Variants in RYR1 observed in about 807,000 individuals in gnomAD.
RYR1 encodes ryanodine receptor 1.
RYR1 carries 342 observed loss-of-function variants against 583.5 expected under a neutral mutation model. That is an observed-to-expected ratio of 0.59 (90% CI 0.54 to 0.64). The LOEUF (loss-of-function observed/expected upper bound fraction) is 0.64, where lower values mean the gene tolerates loss of function less well. Ranked by LOEUF, RYR1 falls within the 30% of genes least tolerant of loss-of-function variation. The pLI is 0.00. For missense variants in RYR1, 6,032 were observed against 6,917.2 expected (o/e 0.87, Z 4.54); for synonymous variants, 2,791 against 2,822.5 (o/e 0.99, Z 0.35).
At chr19:38,482,921 A>G (rs1387301471) in intron 31 of RYR1, 106 bp from the exon 32 acceptor site, 2 of 984,042 alleles carry the variant, frequency 2.0e-6, no homozygotes, top group African/African-American at 1.6e-5. Flanking sequence ...TGGAGCCTCT[A>G]ACGCCCAGAT....
intron 27 of RYR1, among the ~76,000 whole-genome samples, chr19:38,472,336 G>A (rs1968466175): frequency 6.6e-6 from 1 of 152,002 alleles, no homozygotes; most frequent in Non-Finnish European, 1.5e-5. Context: ...CCTGACCTCA[G>A]GTGATCAGCC....
chr19:38,504,199 C>A (rs1325249922), intron 49 of RYR1, 21 bp from the exon 50 acceptor site: 1 of 1,602,552 alleles, frequency 6.2e-7, no homozygotes. Context: ...ATTTGTGTGT[C>A]CCCCTCTTGT....
chr19:38,567,951 C>T lies in RYR1; in HGVS notation c.13659+34C>T, dbSNP rs1973523153. The T allele has an allele frequency of 4.3e-6, 7 of 1,610,602 alleles. No individual in the cohort carries two copies. The Admixed American group carries it at 8.4e-5, about 19-fold the overall frequency. On this transcript the variant is annotated intron_variant, in intron 93 of 105. Coordinates refer to ENST00000359596, the MANE Select transcript of RYR1 (RefSeq NM_000540.3). The stretch of plus-strand genomic sequence containing the variant: ...CCAGCCAGGTCACCTGAACCTTCTT[C>T]TCCCCGGGAGCCCCACCTCTGGTGC...
Position 38,565,033 on chromosome 19 carries a change from C to A in RYR1, c.12699C>A (p.Phe4233Leu). ...EGGEAEKMEL[F>L]VSFCEDTIFE... ...GCGAGGCTGAGAAGATGGAGCTCTTCGTGAGTTTCTGCGAGGACACCATCT... is the reference window on the plus strand; with the variant it reads ...GCGAGGCTGAGAAGATGGAGCTCTTAGTGAGTTTCTGCGAGGACACCATCT... The change falls in exon 91 of 106, where the codon TTC becomes TTA. Residue 4233 changes from phenylalanine (F) to leucine (L), a missense_variant. Phe to Leu is a conservative substitution (Grantham distance 22). Transcript: ENST00000359596. The surrounding 1 kb of genome is among the most constrained non-coding windows in gnomAD (Gnocchi z 4.7). 6.3e-7 allele frequency: 1 copy of A among 1,584,616 alleles called. No individual in the cohort carries two copies. The highest frequency in any genetic ancestry group is 8.6e-7 in the Non-Finnish European group (1 of 1,166,150).
Position 38,517,378 on chromosome 19 carries a change from T to C in RYR1, c.9705T>C (p.Ser3235=). ...RERAILGLPN[S]VEEMCPDIPV... is the part of the protein sequence containing the mutation. ...CCCCAGTCCTGGGGCTCCCCAACAG[T>C]GTGGAGGAGATGTGTCCCGACATCC... is the stretch of plus-strand genomic sequence containing the variant. The change falls in exon 66 of 106, where the codon AGT becomes AGC. Residue 3235 remains serine (S), a synonymous_variant. Transcript: ENST00000359596. 1 of 1,613,506 alleles carries C rather than the reference T, an allele frequency of 6.2e-7. No homozygotes were observed.
chr19:38,524,074 C>T, intron 70 of RYR1, 145 bp downstream of exon 70: 2 of 852,800 alleles, frequency 2.3e-6, no homozygotes. Flanking sequence ...TCCTCCTTCC[C>T]TTCCCTTCCC....
rs575789069 is a variant in RYR1 at position 38,579,298 on chromosome 19, G to A, written c.14365-684G>A. ...AAATTAGCTGGGTGTGGTGACCCAC[G>A]CCTGTGGTCCCAGCTACTTTGGAGG... On this transcript the variant is annotated intron_variant, in intron 99 of 105. Coordinates refer to ENST00000359596, the MANE Select transcript of RYR1 (RefSeq NM_000540.3). Among the ~76,000 whole-genome samples, 8 of 151,516 alleles carry A rather than the reference G, an allele frequency of 5.3e-5. No individual in the cohort carries two copies. In the East Asian group the frequency reaches 7.8e-4, roughly 15 times the overall value.
chr19:38,476,952 T>A (rs1968764965), intron 29 of RYR1, among the ~76,000 whole-genome samples: 1 of 151,728 alleles, frequency 6.6e-6, no homozygotes, highest in Non-Finnish European at 1.5e-5. Flanking sequence ...GAGGATCACT[T>A]CAATCCAGGA....
chr19:38,535,460 A>G, intron 81 of RYR1, 68 bp downstream of exon 81: 5 of 1,186,534 alleles, frequency 4.2e-6, no homozygotes, highest in Middle Eastern at 1.9e-4. Flanking sequence ...TCCTGGTACC[A>G]TTTCCAGTTC....
At chr19:38,515,361 G>C (rs1970918124) in intron 64 of RYR1, among the ~76,000 whole-genome samples, 1 of 152,122 alleles carries the variant, frequency 6.6e-6, no homozygotes. Flanking sequence ...CAGACCACGG[G>C]GGCTGCACAC....
intron 1 of RYR1, among the ~76,000 whole-genome samples, chr19:38,438,602 T>C (rs1005381086): frequency 6.8e-6 from 1 of 146,256 alleles, no homozygotes; most frequent in Non-Finnish European, 1.5e-5. Context: ...ATTATGTATA[T>C]TGCCCAGGCT....
intron 24 of RYR1, among the ~76,000 whole-genome samples, chr19:38,467,107 C>T (rs893885037): frequency 5.9e-5 from 9 of 152,118 alleles, no homozygotes; most frequent in African/African-American, 1.4e-4. Flanking sequence ...AGCCTGGTCA[C>T]CCCTACCCCT....
intron 67 of RYR1, 48 bp downstream of exon 67, chr19:38,519,502 G>A (rs760931227): frequency 1.2e-5 from 19 of 1,557,356 alleles, no homozygotes; most frequent in Non-Finnish European, 1.5e-5. Context: ...GACCTCCCAC[G>A]TCCTCCAGCC....
chr19:38,522,913 A>G (rs969605273), intron 67 of RYR1, 115 bp from the exon 68 acceptor site: 1 of 859,462 alleles, frequency 1.2e-6, no homozygotes, highest in African/African-American at 1.7e-5. Context: ...TAGAAACCCC[A>G]TCCCTCTGAC....
intron 90 of RYR1, among the ~76,000 whole-genome samples, chr19:38,562,194 C>A (rs1973176253): frequency 6.6e-6 from 1 of 152,124 alleles, no homozygotes; most frequent in Admixed American, 6.5e-5. Flanking sequence ...CGGTCTCAGG[C>A]TCACCCAGAA....
intron 88 of RYR1, among the ~76,000 whole-genome samples, chr19:38,547,007 A>C (rs949326064): frequency 6.7e-6 from 1 of 148,434 alleles, no homozygotes; most frequent in Admixed American, 6.8e-5. Flanking sequence ...AAGATAAACA[A>C]TTGATGAATG....
In RYR1 at chr19:38,483,933, T is replaced by C. The variant is rs562176311; in HGVS notation, c.4934+417T>C. On this transcript the variant is annotated intron_variant, in intron 33 of 105. Transcript: ENST00000359596. This position sits in a 1 kb window ranked among gnomAD's most constrained non-coding sequence, Gnocchi z 6.3. ...GTCTCTTGGGCATATGCAGGGAGGC[T>C]TTAAGAAGAATCCCGTGGATATTTC... Among the ~76,000 whole-genome samples the C allele has an allele frequency of 2.6e-5, 4 of 151,954 alleles. No individual in the cohort carries two copies. The South Asian group carries it at 8.3e-4, about 32-fold the overall frequency.
chr19:38,438,636 T>TTTTTTTG (rs1600624069), intron 1 of RYR1, among the ~76,000 whole-genome samples: 1 of 146,374 alleles, frequency 6.8e-6, no homozygotes, highest in Non-Finnish European at 1.5e-5. Flanking sequence ...TTTTTTTTTT[T>TTTTTTTG]GAGATGGAGT....
chr19:38,526,868 AC>A, intron 71 of RYR1, 124 bp from the exon 72 acceptor site: 1 of 974,104 alleles, frequency 1.0e-6, no homozygotes, highest in South Asian at 1.3e-5. Flanking sequence ...TTTCTCTCAG[AC>A]CCCCACCCCC....
Sources: gnomAD v4.1 joint callset for allele counts (sites outside exome capture counted in the v4.1 genomes callset) on GRCh38, gnomAD v4.1.1 for gene constraint, Gnocchi (gnomAD v3.1) non-coding constraint, MANE v1.5 for transcripts, NCBI Gene and HGNC (gene_info 2026-07-23, HGNC 2026-07-21) for gene names.